PLEKHA7: variants seen among roughly 807,000 people sequenced by gnomAD.
The protein encoded by PLEKHA7 is pleckstrin homology domain-containing family A member 7.
Under a neutral mutation model 170.0 loss-of-function variants are expected in PLEKHA7, and 104 were observed. The observed-to-expected ratio is 0.61, with a 90% confidence interval of 0.52 to 0.72. The LOEUF is 0.72. PLEKHA7 is among the 30% of genes least tolerant of loss of function. PLEKHA7 has a pLI of 0.00. For synonymous variants in PLEKHA7, 648 were observed against 660.8 expected, an observed-to-expected ratio of 0.98 and a Z score of 0.30; for missense variants, 1,615 against 1,671.7, an observed-to-expected ratio of 0.97 and a Z score of 0.59.
chr11:17,010,389 T>TAAAAA (rs756960574), intron 3 of PLEKHA7, among the ~76,000 whole-genome samples: 9 of 88,544 alleles, frequency 1.0e-4, no homozygotes, highest in Non-Finnish European at 1.6e-4. Context: ...AAGCTGTCTT[T>TAAAAA]AAAAAAAAAA....
chr11:16,917,000 A>G (rs1858732596), intron 3 of PLEKHA7, among the ~76,000 whole-genome samples: 1 of 152,048 alleles, frequency 6.6e-6, no homozygotes, highest in African/African-American at 2.4e-5. Context: ...GGGTGGATCA[A>G]TTGAGGTCAG....
chr11:16,834,670 T>C (rs1340692632), intron 9 of PLEKHA7, among the ~76,000 whole-genome samples: 1 of 152,174 alleles, frequency 6.6e-6, no homozygotes, highest in Admixed American at 6.5e-5. Flanking sequence ...CCTCCTTAGT[T>C]GGTGCTTTAG....
rs562162504 is a variant in PLEKHA7, at chr11:16,817,607, G to A, written c.1344-285C>T. On this transcript the variant is annotated intron_variant, in intron 10 of 26. Transcript: ENST00000531066. This position sits in a 1 kb window ranked among gnomAD's most constrained non-coding sequence, Gnocchi z 4.4. Reference sequence around the variant, plus strand: ...AAACCTGGCTTTTCCTTCTCTCTCCGCTGCCAGCAGTCAGCTCTTTCAATG... The same window carrying A: ...AAACCTGGCTTTTCCTTCTCTCTCCACTGCCAGCAGTCAGCTCTTTCAATG... Among the ~76,000 whole-genome samples the A allele has an allele frequency of 2.9e-4, 44 of 152,224 alleles. No homozygotes were observed. The highest frequency in any genetic ancestry group is 8.2e-4 in the African/African-American group (34 of 41,532).
At position 16,782,796 on chromosome 11, in the gene PLEKHA7, C is replaced by G; in HGVS notation, c.3751G>C (p.Ala1251Pro). 5.9e-6 allele frequency: 9 copies of G among 1,536,190 alleles called. No individual in the cohort carries two copies. Among genetic ancestry groups the G allele is most frequent in the Non-Finnish European group, 7.8e-6 (9 of 1,146,920 alleles). Residue 1251 changes from alanine (A) to proline (P), a missense_variant, in exon 26 of 27, where the codon GCC becomes CCC. Physicochemically the swap from Ala to Pro is conservative, Grantham distance 27. Transcript: ENST00000531066. ...EQERIINISY[A>P]LASEASQRSK... The stretch of plus-strand genomic sequence containing the variant: ...CGCTGGGAGGCCTCGGAGGCCAGGG[C>G]GTAGGAGATGTTGATGATGCGCTCC...
chr11:16,861,526 G>T (rs888055692), intron 4 of PLEKHA7, among the ~76,000 whole-genome samples: 3 of 152,060 alleles, frequency 2.0e-5, no homozygotes, highest in Admixed American at 6.6e-5. Context: ...GTGCACGCCT[G>T]TAGTCCCACC....
At chr11:16,871,860 G>A (rs1356413962) in intron 3 of PLEKHA7, among the ~76,000 whole-genome samples, 1 of 152,156 alleles carries the variant, frequency 6.6e-6, no homozygotes, top group African/African-American at 2.4e-5. Flanking sequence ...GGGAGGAGGA[G>A]CTGGCTCTAG....
chr11:16,881,203 A>G (rs1354512788), intron 3 of PLEKHA7: 1 of 152,210 alleles, frequency 6.6e-6, no homozygotes, highest in Non-Finnish European at 1.5e-5. Flanking sequence ...AATATACCAC[A>G]GCAAACTGAA....
chr11:16,936,273 G>A (rs1590662473), intron 3 of PLEKHA7, among the ~76,000 whole-genome samples: 1 of 151,570 alleles, frequency 6.6e-6, no homozygotes, highest in Non-Finnish European at 1.5e-5. Context: ...GTGGTGGCAG[G>A]TGCCTGTAAT....
chr11:16,958,011 A>G (rs935859663), intron 3 of PLEKHA7, among the ~76,000 whole-genome samples: 4 of 151,960 alleles, frequency 2.6e-5, no homozygotes, highest in East Asian at 2.0e-4. Flanking sequence ...CCTTACCTCA[A>G]TAATTTTTTA....
intron 24 of PLEKHA7, among the ~76,000 whole-genome samples, chr11:16,784,853 A>ATCC (rs1849290459): frequency 6.6e-6 from 1 of 152,220 alleles, no homozygotes; most frequent in African/African-American, 2.4e-5. Flanking sequence ...TTGTAGCAGG[A>ATCC]GGAATTTAGG....
At position 16,778,798 on chromosome 11, in the gene PLEKHA7, T is replaced by A. The variant is rs1848815978; in HGVS notation, c.*200A>T. The A allele has an allele frequency of 1.6e-6, 1 of 610,180 alleles. No individual in the cohort carries two copies. The highest frequency in any genetic ancestry group is 1.8e-5 in the African/African-American group (1 of 54,394). The allele number at this position is 610,180 out of a possible 1,614,324, so 37.8% of individuals were successfully genotyped here. On this transcript the variant is annotated 3_prime_UTR_variant, in exon 27 of 27. Transcript: ENST00000531066. The stretch of plus-strand genomic sequence containing the variant: ...CAAAAGTGCCTTTGCCATTCATATG[T>A]AGAGAGGAGTCTGAGCTAAACTAGT...
intron 11 of PLEKHA7, 109 bp downstream of exon 11, chr11:16,816,691 A>G: frequency 7.6e-7 from 1 of 1,308,222 alleles, no homozygotes; most frequent in East Asian, 2.3e-5. Flanking sequence ...CTGCCTAAGT[A>G]TTAGCTATCA....
At chr11:16,854,067 C>T (rs1028692316) in intron 6 of PLEKHA7, among the ~76,000 whole-genome samples, 1 of 152,212 alleles carries the variant, frequency 6.6e-6, no homozygotes, top group Non-Finnish European at 1.5e-5. Context: ...AGGGCAGGAA[C>T]CACGTTACTT....
chr11:16,820,518 A>G (rs1850127623), intron 10 of PLEKHA7, among the ~76,000 whole-genome samples: 1 of 152,086 alleles, frequency 6.6e-6, no homozygotes, highest in African/African-American at 2.4e-5. Flanking sequence ...TGCCTCTGAG[A>G]CGGGGCAGTG....
At chr11:17,007,560 G>T (rs10832718) in intron 3 of PLEKHA7, among the ~76,000 whole-genome samples, 93,933 of 147,730 alleles carry the variant, frequency 0.64, 30,443 homozygotes, top group East Asian at 0.96. Context: ...TACATTTTAG[G>T]ATCTCTAAAG....
At chr11:16,887,671 C>T (rs1368688377) in intron 3 of PLEKHA7, among the ~76,000 whole-genome samples, 4 of 152,214 alleles carry the variant, frequency 2.6e-5, no homozygotes, top group Admixed American at 2.6e-4. Flanking sequence ...GCTGGAATTG[C>T]AGACGGAGTC....
chr11:16,927,331 T>C (rs1590640259), intron 3 of PLEKHA7, among the ~76,000 whole-genome samples: 1 of 152,386 alleles, frequency 6.6e-6, no homozygotes, highest in Middle Eastern at 3.4e-3. Flanking sequence ...ATTATAATAG[T>C]GAATACGCTT....
chr11:17,006,260 G>A (rs904908291), intron 3 of PLEKHA7, among the ~76,000 whole-genome samples: 8 of 150,126 alleles, frequency 5.3e-5, no homozygotes, highest in African/African-American at 9.8e-5. Context: ...CAAGGGAAGC[G>A]GAGGTTGCAG....
intron 3 of PLEKHA7, among the ~76,000 whole-genome samples, chr11:16,973,120 A>G (rs1176528438): frequency 6.6e-6 from 1 of 152,234 alleles, no homozygotes; most frequent in African/African-American, 2.4e-5. Flanking sequence ...GGAAAGCACC[A>G]TATGACCCAA....
Sources: allele counts gnomAD v4.1 joint callset (sites outside exome capture counted in the v4.1 genomes callset), GRCh38; gene constraint gnomAD v4.1.1; non-coding constraint Gnocchi (gnomAD v3.1); transcripts MANE v1.5; gene names NCBI Gene and HGNC (gene_info 2026-07-23, HGNC 2026-07-21).